The following CD109 variants were observed in gnomAD, a reference collection of about 807,000 sequenced individuals.
CD109 encodes the protein CD109 molecule.
CD109 carries 149 observed loss-of-function variants against 165.8 expected under a neutral mutation model. The observed-to-expected ratio is 0.90, with a 90% confidence interval of 0.79 to 1.03. The LOEUF is 1.03. Among genes scored for constraint, CD109 ranks in the 50% least tolerant of loss-of-function variants. The pLI, the probability that CD109 is intolerant of heterozygous loss-of-function variation, is 0.00. For missense variants in CD109, 1,712 were observed against 1,677.8 expected (o/e 1.02, Z -0.36); for synonymous variants, 585 against 592.1 (o/e 0.99, Z 0.18).
intron 14 of CD109, among the ~76,000 whole-genome samples, chr6:73,770,615 G>C (rs183506518): frequency 6.7e-4 from 102 of 152,278 alleles, no homozygotes; most frequent in African/African-American, 1.9e-3. Flanking sequence ...GGGCATGGTG[G>C]TGGGCGCCTG....
intron 19 of CD109, 45 bp downstream of exon 19, chr6:73,783,869 G>A (rs766080161): frequency 9.4e-7 from 1 of 1,062,192 alleles, no homozygotes; most frequent in South Asian, 1.4e-5. Flanking sequence ...GTGACATTAA[G>A]CTAATACAGC....
At position 73,774,308 on chromosome 6, in the gene CD109, C is replaced by T. The variant is rs183902497; in HGVS notation, c.1827+2727C>T. On this transcript the variant is annotated intron_variant, in intron 15 of 32. Transcript: ENST00000287097. ...TTGGTGAAGGCTGAGCATAAGGTTC[C>T]AATCTGTGTAAGTCCTATGACCCCT... 3.1e-3 allele frequency among the ~76,000 whole-genome samples: 466 copies of T among 152,290 alleles called. 1 individual carries two copies. The highest frequency in any genetic ancestry group is 0.01 in the African/African-American group (435 of 41,572).
intron 5 of CD109, among the ~76,000 whole-genome samples, chr6:73,745,353 C>T (rs1249099100): frequency 2.0e-5 from 3 of 152,170 alleles, no homozygotes; most frequent in Non-Finnish European, 2.9e-5. Context: ...GATCCGCCCG[C>T]CCTGGCCTCC....
At chr6:73,724,702 C>T (rs1043420535) in intron 3 of CD109, among the ~76,000 whole-genome samples, 1 of 150,658 alleles carries the variant, frequency 6.6e-6, no homozygotes, top group African/African-American at 2.4e-5. Flanking sequence ...CAGCCTCAAT[C>T]TCCCAGGTTC....
At chr6:73,724,917 G>C (rs1016449942) in intron 3 of CD109, among the ~76,000 whole-genome samples, 2 of 152,222 alleles carry the variant, frequency 1.3e-5, no homozygotes, top group South Asian at 2.1e-4. Flanking sequence ...AGTACCTTTT[G>C]AAAGTTACTT....
chr6:73,740,499 C>A (rs537131656), intron 5 of CD109, among the ~76,000 whole-genome samples: 1 of 152,028 alleles, frequency 6.6e-6, no homozygotes, highest in Admixed American at 6.6e-5. Context: ...AAATTGTTTG[C>A]CCTTCAAGTA....
At chr6:73,682,736 T>C in the CD109 span, among the ~76,000 whole-genome samples, 2 of 152,262 alleles carry the variant, frequency 1.3e-5, no homozygotes, top group Admixed American at 6.5e-5. Flanking sequence ...AACTTCTGCC[T>C]GGGCATCCAG....
intron 31 of CD109, among the ~76,000 whole-genome samples, chr6:73,819,576 T>C (rs141326263): frequency 2.6e-5 from 4 of 152,346 alleles, no homozygotes; most frequent in Non-Finnish European, 4.4e-5. Flanking sequence ...GAATATATGC[T>C]TTTAAAAAGA....
intron 32 of CD109, among the ~76,000 whole-genome samples, chr6:73,821,686 A>G (rs1776112432): frequency 6.6e-6 from 1 of 152,200 alleles, no homozygotes; most frequent in Admixed American, 6.5e-5. Context: ...ACACATGGAC[A>G]TAAAAATGGG....
intron 29 of CD109, among the ~76,000 whole-genome samples, chr6:73,812,784 A>G (rs1775798616): frequency 6.6e-6 from 1 of 152,128 alleles, no homozygotes. Flanking sequence ...AAATGGAAGT[A>G]GTATGAAAAA....
intron 2 of CD109, among the ~76,000 whole-genome samples, chr6:73,708,121 T>C (rs1320560870): frequency 1.3e-5 from 2 of 151,770 alleles, no homozygotes; most frequent in Non-Finnish European, 2.9e-5. Context: ...TTACATTAGG[T>C]GTATCTCCTA....
Position 73,780,424 on chromosome 6 carries a change from G to A in CD109, c.1828G>A (p.Val610Met), listed in dbSNP as rs754615712. The A allele has an allele frequency of 1.3e-6, 2 of 1,578,844 alleles. No individual in the cohort carries two copies. The highest frequency in any genetic ancestry group is 1.7e-4 in the Middle Eastern group (1 of 6,010). ...NASNDITMEN[V>M]VHELELYNTG... ...TCCGTATATTTTATCTTCTCCTTAG[G>A]TGGTCCATGAGTTGGAACTTTATAA... is the stretch of plus-strand genomic sequence containing the variant. Residue 610 changes from valine (V) to methionine (M), a missense_variant and splice_region_variant, in exon 16 of 33, where the codon GTG becomes ATG. Coordinates refer to ENST00000287097, the MANE Select transcript of CD109 (RefSeq NM_133493.5).
At chr6:73,735,750 C>T in intron 4 of CD109, among the ~76,000 whole-genome samples, 1 of 152,104 alleles carries the variant, frequency 6.6e-6, no homozygotes. Context: ...TGAGTCATGC[C>T]AGTCACTTGA....
In CD109 at chr6:73,773,127, A is replaced by ATG. The variant is rs1774106537; in HGVS notation, c.1827+1547_1827+1548insGT. Among the ~76,000 whole-genome samples, 2 of 151,070 alleles carry ATG rather than the reference A, an allele frequency of 1.3e-5. 1 individual carries two copies. On this transcript the variant is annotated intron_variant, in intron 15 of 32. Transcript: ENST00000287097. The stretch of plus-strand genomic sequence containing the variant: ...TGTGTACGTGTGTGTATACATACAC[A>ATG]TACACACACACCCCATCTGATGTGC...
chr6:73,725,541 T>C (rs999965545), intron 3 of CD109, among the ~76,000 whole-genome samples: 3 of 144,712 alleles, frequency 2.1e-5, no homozygotes, highest in Admixed American at 6.9e-5. Context: ...AGAGTTTCTC[T>C]CTTGTTGCCC....
At position 73,797,984 on chromosome 6, in the gene CD109, T is replaced by G. The variant is rs374414766; in HGVS notation, c.2878+5182T>G. On this transcript the variant is annotated intron_variant, in intron 23 of 32. Coordinates refer to ENST00000287097, the MANE Select transcript of CD109 (RefSeq NM_133493.5). ...GATACTCTTATTTCTTCATAAACTT[T>G]TGGAGAGAGCTATGTTTTTGCTTTT... is the stretch of plus-strand genomic sequence containing the variant. Among the ~76,000 whole-genome samples, 4 of 152,334 alleles carry G rather than the reference T, an allele frequency of 2.6e-5. No individual in the cohort carries two copies. In the East Asian group the frequency reaches 5.8e-4, roughly 22 times the overall value.
upstream of CD109, among the ~76,000 whole-genome samples, chr6:73,693,288 G>A (rs1162106734): frequency 6.6e-6 from 1 of 152,132 alleles, no homozygotes; most frequent in African/African-American, 2.4e-5. Flanking sequence ...AGTGTGCAGA[G>A]ATCCCATGGT....
chr6:73,707,055 T>C (rs1346372229), intron 2 of CD109, among the ~76,000 whole-genome samples: 1 of 152,216 alleles, frequency 6.6e-6, no homozygotes, highest in Non-Finnish European at 1.5e-5. Flanking sequence ...GTGCCTGTGC[T>C]CTTCGCAGGG....
At position 73,806,870 on chromosome 6, in the gene CD109, T is replaced by G. The variant is rs1345952690; in HGVS notation, c.2987T>G (p.Phe996Cys). ...TTGTCAGCTTTTGTTTTAAGATGTT[T>G]CCTTGAAGCCGATCCTTACATAGAT... ...TWLSAFVLRC[F>C]LEADPYIDID... The change falls in exon 25 of 33, where the codon TTC becomes TGC. Residue 996 changes from phenylalanine (F) to cysteine (C), a missense_variant. Transcript: ENST00000287097. 1.1e-5 allele frequency: 17 copies of G among 1,613,282 alleles called. No individual in the cohort carries two copies. The highest frequency in any genetic ancestry group is 1.4e-5 in the Non-Finnish European group (17 of 1,179,650).
Sources: gnomAD v4.1 joint callset for allele counts (sites outside exome capture counted in the v4.1 genomes callset) on GRCh38, gnomAD v4.1.1 for gene constraint, MANE v1.5 for transcripts, NCBI Gene and HGNC (gene_info 2026-07-23, HGNC 2026-07-21) for gene names.